The following ALPK3 variants were observed in gnomAD, a reference collection of about 807,000 sequenced individuals.
The protein encoded by ALPK3 is alpha kinase 3, also known as alpha-protein kinase 3.
In ALPK3, 102 loss-of-function variants were observed where a neutral mutation model predicts 140.0. The ratio of observed to expected loss-of-function variants is 0.73; its 90% CI spans 0.62 to 0.86. The LOEUF (loss-of-function observed/expected upper bound fraction) is 0.86, where lower values mean the gene tolerates loss of function less well. Among genes scored for constraint, ALPK3 ranks in the 40% least tolerant of loss-of-function variants. The pLI is 0.00. For missense variants in ALPK3, 2,254 were observed against 2,208.2 expected, an observed-to-expected ratio of 1.02 and a Z score of -0.42; for synonymous variants, 938 against 898.5, an observed-to-expected ratio of 1.04 and a Z score of -0.79.
In ALPK3 at chr15:84,839,829, A is replaced by G. The variant is rs1324924246; in HGVS notation, c.550A>G (p.Lys184Glu). Residue 184 changes from lysine to glutamate, a missense_variant, in exon 5 of 14, where the codon AAG becomes GAG. By Grantham distance (56) the Lys-to-Glu change is moderately conservative. Around this residue, in one of 3 missense-constraint regions of ALPK3, gnomAD observed 2,088 missense variants for 2,022.9 expected, o/e 1.03. Transcript: ENST00000258888. ...EYKIHQRWFAKLKRKAAAKLR... is the reference protein window; with the variant it reads ...EYKIHQRWFAELKRKAAAKLR... Reference sequence around the variant, plus strand: ...CAAGATCCACCAGCGCTGGTTCGCCAAGTTGAAGCGCAAGGCTGCGGCAAA... The same window carrying G: ...CAAGATCCACCAGCGCTGGTTCGCCGAGTTGAAGCGCAAGGCTGCGGCAAA... The G allele has an allele frequency of 1.2e-6, 2 of 1,614,000 alleles. No individual in the cohort carries two copies. The highest frequency in any genetic ancestry group is 1.7e-6 in the Non-Finnish European group (2 of 1,180,040).
At chr15:84,848,598 G>A (rs1963762998) in intron 5 of ALPK3, among the ~76,000 whole-genome samples, 1 of 152,148 alleles carries the variant, frequency 6.6e-6, no homozygotes, top group South Asian at 2.1e-4. Flanking sequence ...TAAAATTATT[G>A]AGTAAAATCT....
Position 84,859,390 on chromosome 15 carries a change from G to C in ALPK3, c.3965G>C (p.Ser1322Thr). The change falls in exon 7 of 14, where the codon AGC (serine) becomes ACC (threonine). Residue 1322 changes from serine (S) to threonine (T), a missense_variant and splice_region_variant. Coordinates refer to ENST00000258888, the MANE Select transcript of ALPK3 (RefSeq NM_020778.5). ...CGCCCAGTGGGCGAGGTGGGCAGGA[G>C]GTAAGCCAACGACACCACTGCCACC... The part of the protein sequence containing the change: ...DQRPVGEVGR[S>T]AGDEGPAALA... The C allele has an allele frequency of 6.2e-7, 1 of 1,614,078 alleles. No homozygotes were observed. The highest frequency in any genetic ancestry group is 1.3e-5 in the African/African-American group (1 of 75,066).
intron 4 of ALPK3, among the ~76,000 whole-genome samples, chr15:84,839,348 C>T (rs1003212900): frequency 6.6e-6 from 1 of 152,168 alleles, no homozygotes; most frequent in African/African-American, 2.4e-5. Flanking sequence ...AGGTCCTGAC[C>T]TACAGAAATA....
chr15:84,837,520 A>G (rs1456117554), intron 3 of ALPK3, among the ~76,000 whole-genome samples: 1 of 152,196 alleles, frequency 6.6e-6, no homozygotes, highest in Admixed American at 6.5e-5. Flanking sequence ...GAGAGCAGAG[A>G]CCGTGTCTTA....
intron 3 of ALPK3, among the ~76,000 whole-genome samples, chr15:84,838,631 ATTATTAT>A (rs1454114301): frequency 1.8e-3 from 132 of 72,598 alleles, no homozygotes; most frequent in East Asian, 0.01. Context: ...TATTATTATT[ATTATTAT>A]TGAGATGGAG....
intron 2 of ALPK3, among the ~76,000 whole-genome samples, chr15:84,826,868 C>T (rs891652843): frequency 4.6e-5 from 7 of 152,178 alleles, no homozygotes; most frequent in African/African-American, 1.7e-4. Flanking sequence ...CTGGGTCTCT[C>T]CTTTCTGATA....
chr15:84,820,137 A>AT (rs376676815), intron 1 of ALPK3, among the ~76,000 whole-genome samples: 110 of 150,802 alleles, frequency 7.3e-4, no homozygotes, highest in South Asian at 1.3e-3. Flanking sequence ...AGCAGTTTTG[A>AT]TTTTTTTTTT....
At chr15:84,850,269 C>T (rs1380358049) in intron 5 of ALPK3, among the ~76,000 whole-genome samples, 1 of 152,178 alleles carries the variant, frequency 6.6e-6, no homozygotes, top group African/African-American at 2.4e-5. Context: ...GGCCATGCCC[C>T]CTTAGAGGGT....
At chr15:84,825,464 T>A (rs1479719523) in intron 2 of ALPK3, among the ~76,000 whole-genome samples, 1 of 152,190 alleles carries the variant, frequency 6.6e-6, no homozygotes, top group African/African-American at 2.4e-5. Context: ...CGTGACCCAC[T>A]GCACCTGGCC....
chr15:84,858,346 G>T lies in ALPK3; in HGVS notation c.3608G>T (p.Gly1203Val), dbSNP rs1172541272. Residue 1203 changes from glycine (G) to valine (V), a missense_variant, in exon 6 of 14, where the codon GGG becomes GTG. Coordinates refer to ENST00000258888, the MANE Select transcript of ALPK3 (RefSeq NM_020778.5). ...GGGCCCAGGAAAAGCCTGGTGCCTG[G>T]GTCCCCAGGGACTCCAGGGCGGGAG... ...PRGPRKSLVPGSPGTPGRERR... is the reference protein window; with the variant it reads ...PRGPRKSLVPVSPGTPGRERR... 2 of 1,556,666 alleles carry T rather than the reference G, an allele frequency of 1.3e-6. No homozygotes were observed. The highest frequency in any genetic ancestry group is 2.4e-5 in the East Asian group (1 of 41,408).
chr15:84,867,421 G>T, intron 13 of ALPK3, 56 bp downstream of exon 13: 1 of 1,596,358 alleles, frequency 6.3e-7, no homozygotes, highest in Middle Eastern at 1.7e-4. Flanking sequence ...GGTGTAAAAT[G>T]TCCTAAGCCC....
intron 2 of ALPK3, among the ~76,000 whole-genome samples, chr15:84,824,907 G>A (rs1200822296): frequency 2.0e-5 from 3 of 152,210 alleles, no homozygotes; most frequent in African/African-American, 7.2e-5. Context: ...TTTGGAGGAC[G>A]GGGACAGAAA....
intron 3 of ALPK3, among the ~76,000 whole-genome samples, chr15:84,833,926 C>T (rs571056185): frequency 5.3e-5 from 8 of 151,822 alleles, no homozygotes; most frequent in Admixed American, 3.3e-4. Flanking sequence ...TTCCCTCCTC[C>T]ACTCTCCTCA....
At chr15:84,860,243 A>T (rs375089472) in intron 9 of ALPK3, among the ~76,000 whole-genome samples, 171 bp downstream of exon 9, 96 of 152,242 alleles carry the variant, frequency 6.3e-4, no homozygotes, top group African/African-American at 2.3e-3. Flanking sequence ...TCAGAAGATT[A>T]TGGGGGAAGA....
At chr15:84,844,216 A>G (rs1264038922) in intron 5 of ALPK3, among the ~76,000 whole-genome samples, 2 of 152,102 alleles carry the variant, frequency 1.3e-5, no homozygotes, top group Non-Finnish European at 2.9e-5. Flanking sequence ...TGACAGAGTG[A>G]GGCTCCATCT....
chr15:84,865,952 A>G (rs1440314801), intron 12 of ALPK3, among the ~76,000 whole-genome samples: 2 of 152,204 alleles, frequency 1.3e-5, no homozygotes, highest in African/African-American at 4.8e-5. Flanking sequence ...AAAAAATAAT[A>G]AAGAAAAAAA....
intron 5 of ALPK3, among the ~76,000 whole-genome samples, chr15:84,841,920 G>A (rs1963671371): frequency 6.6e-6 from 1 of 152,210 alleles, no homozygotes; most frequent in African/African-American, 2.4e-5. Flanking sequence ...TATTTCAAGA[G>A]TGGGGCTGGG....
chr15:84,862,477 G>A (rs1377851365), intron 9 of ALPK3, among the ~76,000 whole-genome samples, 158 bp from the exon 10 acceptor site: 2 of 152,094 alleles, frequency 1.3e-5, no homozygotes, highest in Non-Finnish European at 2.9e-5. Context: ...CTCATAGTCT[G>A]GTGGGGACTT....
At chr15:84,850,975 C>T (rs1485707539) in intron 5 of ALPK3, among the ~76,000 whole-genome samples, 1 of 151,770 alleles carries the variant, frequency 6.6e-6, no homozygotes, top group Non-Finnish European at 1.5e-5. Flanking sequence ...AGAGAATATT[C>T]AGTCATCCAC....
Sources: gnomAD v4.1 joint callset for allele counts (sites outside exome capture counted in the v4.1 genomes callset) on GRCh38, gnomAD v4.1.1 for gene constraint, gnomAD v4.1.1 regional missense constraint, MANE v1.5 for transcripts, NCBI Gene and HGNC (gene_info 2026-07-23, HGNC 2026-07-21) for gene names.